Variants in PHGDH observed in about 807,000 individuals in gnomAD.
PHGDH encodes phosphoglycerate dehydrogenase.
Under a neutral mutation model 52.6 loss-of-function variants are expected in PHGDH, and 50 were observed. The observed-to-expected ratio is 0.95, with a 90% confidence interval of 0.76 to 1.20. The LOEUF is 1.20. PHGDH is among the 50% of genes most tolerant of loss of function. The pLI is 0.00. For missense variants in PHGDH, 630 were observed against 684.6 expected (o/e 0.92, Z 0.89); for synonymous variants, 271 against 280.5 (o/e 0.97, Z 0.34).
At chr1:119,717,183 G>C (rs1254324840) in intron 1 of PHGDH, among the ~76,000 whole-genome samples, 1 of 124,956 alleles carries the variant, frequency 8.0e-6, no homozygotes, top group Admixed American at 1.1e-4. Flanking sequence ...AGTGAGCCAA[G>C]ATCGCGCCAT....
chr1:119,734,023 G>C (rs1017539578), intron 5 of PHGDH, among the ~76,000 whole-genome samples: 4 of 152,180 alleles, frequency 2.6e-5, no homozygotes, highest in African/African-American at 9.7e-5. Flanking sequence ...TCCTGATTTA[G>C]AGGGCATGCA....
intron 1 of PHGDH, chr1:119,719,933 G>T (rs587658590): frequency 2.0e-5 from 3 of 152,356 alleles, no homozygotes; most frequent in African/African-American, 7.2e-5. Flanking sequence ...GAGACTAGGG[G>T]TATAGAGTGA....
At chr1:119,727,665 T>TA (rs587769490) in intron 5 of PHGDH, 13,925 of 115,014 alleles carry the variant, frequency 0.12, 1,600 homozygotes, top group African/African-American at 0.32. Context: ...GCATCGCTAC[T>TA]AAAAAAAAAA....
chr1:119,736,578 A>G (rs1042238946), intron 7 of PHGDH, among the ~76,000 whole-genome samples: 8 of 152,168 alleles, frequency 5.3e-5, no homozygotes, highest in Non-Finnish European at 1.0e-4. Context: ...CAGATGGGCA[A>G]CCTGTCCTGA....
At chr1:119,723,596 G>A (rs929267262) in intron 3 of PHGDH, 155 bp downstream of exon 3, 6 of 700,706 alleles carry the variant, frequency 8.6e-6, no homozygotes, top group African/African-American at 3.5e-5. Flanking sequence ...GAACCTTTAA[G>A]GCCATCAGGT....
intron 8 of PHGDH, chr1:119,739,496 G>A (rs1158501701): frequency 6.6e-6 from 1 of 151,960 alleles, no homozygotes; most frequent in Non-Finnish European, 1.5e-5. Flanking sequence ...GGCCTCAGCA[G>A]TCATTTCCCA....
At chr1:119,726,944 G>GC in intron 4 of PHGDH, 39 bp downstream of exon 4, 1 of 1,609,602 alleles carries the variant, frequency 6.2e-7, no homozygotes, top group South Asian at 1.1e-5. Flanking sequence ...TGGGCTCAGG[G>GC]CCCGGGGTCC....
chr1:119,715,408 A>G (rs1280105208), intron 1 of PHGDH, among the ~76,000 whole-genome samples: 3 of 152,206 alleles, frequency 2.0e-5, no homozygotes, highest in Admixed American at 2.0e-4. Flanking sequence ...CAGCCTTTAC[A>G]CAAGGATTTA....
At chr1:119,734,530 T>C (rs1318616979) in intron 5 of PHGDH, 104 bp from the exon 6 acceptor site, 2 of 1,025,108 alleles carry the variant, frequency 2.0e-6, no homozygotes, top group Non-Finnish European at 1.5e-6. Context: ...CTGAGCATGG[T>C]AGTTAGTATA....
intron 5 of PHGDH, among the ~76,000 whole-genome samples, chr1:119,732,070 C>T (rs587715905): frequency 1.3e-5 from 2 of 152,276 alleles, no homozygotes; most frequent in African/African-American, 4.8e-5. Context: ...GATTTCATTG[C>T]CGTGGTAGGG....
In PHGDH at chr1:119,741,788, G is replaced by A. The variant is rs768838647; in HGVS notation, c.1100G>A (p.Gly367Glu). Residue 367 changes from glycine to glutamate, a missense_variant, in exon 10 of 12, where the codon GGG becomes GAG. By Grantham distance (98) the Gly-to-Glu change is moderately conservative. Transcript: ENST00000641023. ...ITQGTSLKNA[G>E]NCLSPAVIVG... ...CCAGGAACATCCCTGAAGAATGCTG[G>A]GAACTGCCTAAGCCCCGCAGTCATT... 38 of 1,613,408 alleles carry A rather than the reference G, an allele frequency of 2.4e-5. No individual in the cohort carries two copies. The highest frequency in any genetic ancestry group is 3.1e-5 in the Non-Finnish European group (37 of 1,179,466).
Position 119,743,928 on chromosome 1 carries a change from C to T in PHGDH, c.1490C>T (p.Thr497Ile). 6.2e-7 allele frequency: 1 copy of T among 1,613,434 alleles called. No homozygotes were observed. The highest frequency in any genetic ancestry group is 8.5e-7 in the Non-Finnish European group (1 of 1,179,336). The change falls in exon 12 of 12, where the codon ACT becomes ATT. Residue 497 changes from threonine to isoleucine, a missense_variant. Physicochemically the swap from Thr to Ile is moderately conservative, Grantham distance 89. Coordinates refer to ENST00000641023, the MANE Select transcript of PHGDH (RefSeq NM_006623.4). ...GGCGTGCGGCTGCTGTCCTACCAGA[C>T]TTCACTGGTGTCAGATGGGGAGACC... Reference protein sequence around the residue: ...EAGVRLLSYQTSLVSDGETWH... With the variant: ...EAGVRLLSYQISLVSDGETWH...
At chr1:119,740,110 T>G in intron 8 of PHGDH, 2 of 460,270 alleles carry the variant, frequency 4.3e-6, no homozygotes, top group Non-Finnish European at 8.0e-6. Context: ...AAGTCTCCCA[T>G]GGAGGGGGCT....
chr1:119,735,504 T>C (rs1260003559), intron 7 of PHGDH, 61 bp downstream of exon 7: 7 of 1,530,136 alleles, frequency 4.6e-6, no homozygotes, highest in Non-Finnish European at 6.3e-6. Flanking sequence ...GAGAGGCCCA[T>C]GGCAGGGAAA....
Position 119,737,133 on chromosome 1 carries a change from C to T in PHGDH, c.812C>T (p.Ala271Val). Residue 271 changes from alanine to valine, a missense_variant, in exon 8 of 12, where the codon GCC becomes GTC. Coordinates refer to ENST00000641023, the MANE Select transcript of PHGDH (RefSeq NM_006623.4). The stretch of plus-strand genomic sequence containing the variant: ...GGGCAGGAGCCGCCACGGGACCGGG[C>T]CTTGGTGGACCATGAGAATGTCATC... ...VFTEEPPRDR[A>V]LVDHENVISC... The T allele has an allele frequency of 6.2e-7, 1 of 1,614,176 alleles. No homozygotes were observed. The highest frequency in any genetic ancestry group is 8.5e-7 in the Non-Finnish European group (1 of 1,180,008).
chr1:119,734,914 C>A, intron 6 of PHGDH, 148 bp downstream of exon 6: 1 of 883,590 alleles, frequency 1.1e-6, no homozygotes, highest in Non-Finnish European at 1.8e-6. Context: ...TTTTGTTAGA[C>A]ACCCCTACGT....
chr1:119,722,880 G>A (rs1037051939), intron 2 of PHGDH, among the ~76,000 whole-genome samples: 1 of 142,636 alleles, frequency 7.0e-6, no homozygotes, highest in Admixed American at 7.2e-5. Context: ...CAGCCTGGGT[G>A]ACAGAGCGAG....
chr1:119,737,931 C>G (rs12070041), intron 8 of PHGDH, among the ~76,000 whole-genome samples: 1 of 152,094 alleles, frequency 6.6e-6, no homozygotes, highest in Non-Finnish European at 1.5e-5. Flanking sequence ...TTGGGAGACA[C>G]GGGTGCATGA....
At chr1:119,733,521 G>T (rs1027924188) in intron 5 of PHGDH, among the ~76,000 whole-genome samples, 60 of 148,534 alleles carry the variant, frequency 4.0e-4, no homozygotes, top group Admixed American at 2.2e-3. Flanking sequence ...TTTTTGTAGG[G>T]GGGGGGGTCT....
Sources: allele counts gnomAD v4.1 joint callset (sites outside exome capture counted in the v4.1 genomes callset), GRCh38; gene constraint gnomAD v4.1.1; transcripts MANE v1.5; gene names NCBI Gene and HGNC (gene_info 2026-07-23, HGNC 2026-07-21).